SLC26A5: variants seen among roughly 807,000 people sequenced by gnomAD.
SLC26A5 encodes the protein solute carrier family 26 member 5, also known as prestin.
SLC26A5 carries 51 observed loss-of-function variants against 81.0 expected under a neutral mutation model. That is an observed-to-expected ratio of 0.63 (90% confidence interval 0.50 to 0.80). The LOEUF (loss-of-function observed/expected upper bound fraction) is 0.80, where lower values mean the gene tolerates loss of function less well. SLC26A5 is among the 30% of genes least tolerant of loss of function. The probability of loss-of-function intolerance (pLI) is 0.00; values close to 1 mark genes in which losing one functional copy is unlikely to be tolerated. For synonymous variants in SLC26A5, 325 were observed against 332.8 expected, an observed-to-expected ratio of 0.98 and a Z score of 0.25; for missense variants, 771 against 905.8, an observed-to-expected ratio of 0.85 and a Z score of 1.91.
At chr7:103,426,201 G>A (rs1160211105) in intron 2 of SLC26A5, among the ~76,000 whole-genome samples, 1 of 152,148 alleles carries the variant, frequency 6.6e-6, no homozygotes, top group African/African-American at 2.4e-5. Flanking sequence ...GCGGAGGTGG[G>A]CAGTGCAACA....
intron 19 of SLC26A5, chr7:103,362,422 A>C: frequency 7.4e-7 from 1 of 1,352,854 alleles, no homozygotes; most frequent in East Asian, 3.1e-5. Context: ...TCTATAGAAT[A>C]CATAACAACT....
In SLC26A5 at chr7:103,421,363, G is replaced by T. The variant is rs137865848; in HGVS notation, c.152C>A (p.Thr51Lys). 2 of 1,613,982 alleles carry T rather than the reference G, an allele frequency of 1.2e-6. No homozygotes were observed. Among genetic ancestry groups the T allele is most frequent in the South Asian group, 2.2e-5 (2 of 91,070 alleles). The change falls in exon 3 of 20, where the codon ACA becomes AAA. Residue 51 changes from threonine (T) to lysine (K), a missense_variant and splice_region_variant. Physicochemically the swap from Thr to Lys is moderately conservative, Grantham distance 78 (BLOSUM62 -1). Transcript: ENST00000306312. ...AGAAACAGGTTAAAAGGCAACGTAC[G>T]TGAATGCCTGTTTCAGCTTATCCGC... ...SIADKLKQAF[T>K]CTPKKIRNII...
rs1334624209 is a variant in SLC26A5 at position 103,374,590 on chromosome 7, G to T, written c.2044C>A (p.Gln682Lys). 1 of 1,613,206 alleles carries T rather than the reference G, an allele frequency of 6.2e-7. No individual in the cohort carries two copies. Among genetic ancestry groups the T allele is most frequent in the Non-Finnish European group, 8.5e-7 (1 of 1,179,864 alleles). Residue 682 changes from glutamine to lysine, a missense_variant and splice_region_variant, in exon 20 of 20, where the codon CAA (glutamine) becomes AAA (lysine). By Grantham distance (53) the Gln-to-Lys change is moderately conservative. Coordinates refer to ENST00000306312, the MANE Select transcript of SLC26A5 (RefSeq NM_198999.3). ...IYVYLAGCSA[Q>K]VVNDLTRNRF... ...TTCCGAGTGAGGTCATTCACAACTT[G>T]TGCTATTAAAAGAAGAAAAGAAAAT...
chr7:103,422,374 A>G (rs756871206), intron 2 of SLC26A5, among the ~76,000 whole-genome samples: 22 of 152,362 alleles, frequency 1.4e-4, no homozygotes, highest in Non-Finnish European at 2.4e-4. Context: ...AAAGAAATGC[A>G]CTAAATTTCT....
chr7:103,352,775 A>T, exon 20 of SLC26A5: 1 of 769,910 alleles, frequency 1.3e-6, no homozygotes, highest in Non-Finnish European at 2.4e-6. Context: ...AACAAAGTTC[A>T]GAAGTGTTAA....
At chr7:103,371,282 G>A, downstream of SLC26A5, among the ~76,000 whole-genome samples, 1 of 150,958 alleles carries the variant, frequency 6.6e-6, no homozygotes, top group East Asian at 1.9e-4. Context: ...CAACAGAAAA[G>A]TTAAATACAA....
downstream of SLC26A5, among the ~76,000 whole-genome samples, chr7:103,371,394 G>T (rs553895911): frequency 6.7e-6 from 1 of 149,600 alleles, no homozygotes; most frequent in Non-Finnish European, 1.5e-5. Context: ...GCGCGATCTC[G>T]GCTCACTGCA....
chr7:103,378,490 C>T lies in SLC26A5; in HGVS notation c.1741G>A (p.Glu581Lys). ...RRKAMRKYAK[E>K]VGNANMANAT... ...TTGGCCATATTTGCATTTCCGACTTCCTTAGCGTACTTCCGCATGGCCTTT... is the reference window on the plus strand; with the variant it reads ...TTGGCCATATTTGCATTTCCGACTTTCTTAGCGTACTTCCGCATGGCCTTT... Residue 581 changes from glutamate (E) to lysine (K), a missense_variant, in exon 17 of 20, where the codon GAA becomes AAA. Coordinates refer to ENST00000306312, the MANE Select transcript of SLC26A5 (RefSeq NM_198999.3). 6.2e-7 allele frequency: 1 copy of T among 1,614,162 alleles called. No homozygotes were observed. The highest frequency in any genetic ancestry group is 8.5e-7 in the Non-Finnish European group (1 of 1,180,010).
intron 10 of SLC26A5, 63 bp downstream of exon 10, chr7:103,392,856 C>G (rs746068689): frequency 1.2e-6 from 2 of 1,602,400 alleles, no homozygotes; most frequent in Non-Finnish European, 1.7e-6. Flanking sequence ...GGATTACAGG[C>G]GTGAGCCAGA....
chr7:103,368,223 C>T lies in SLC26A5; in HGVS notation c.2041+8585G>A, dbSNP rs567954898. The T allele has an allele frequency of 2.0e-4, 133 of 656,466 alleles. No individual in the cohort carries two copies. The East Asian group carries it at 3.7e-3, about 18-fold the overall frequency. The allele number at this position is 656,466 out of a possible 1,614,324, so 40.7% of individuals were successfully genotyped here. ...TTTCTAATGTTATTAGGCAGAAAAG[C>T]TTGTTAGAATATATTTTGACTATTT... On this transcript the variant is annotated intron_variant, in intron 19 of 19. Coordinates refer to the SLC26A5 transcript ENST00000339444.
At chr7:103,430,810 A>G (rs765286956) in intron 2 of SLC26A5, among the ~76,000 whole-genome samples, 20 of 152,356 alleles carry the variant, frequency 1.3e-4, no homozygotes, top group Non-Finnish European at 2.5e-4. Flanking sequence ...TTTTAAGTCC[A>G]TGAAAGGCAG....
At chr7:103,354,722 A>G (rs1414992416) in intron 19 of SLC26A5, 2 of 596,424 alleles carry the variant, frequency 3.4e-6, no homozygotes, top group Admixed American at 3.0e-5. Flanking sequence ...TTAGGGGGAA[A>G]TATTGGGTCA....
At chr7:103,376,708 T>A (rs1821377255) in intron 19 of SLC26A5, 100 bp downstream of exon 19, 1 of 911,542 alleles carries the variant, frequency 1.1e-6, no homozygotes, top group Admixed American at 2.2e-5. Context: ...TTCATTTTTA[T>A]AAAATAATTA....
At chr7:103,365,597 C>G (rs1229478292) in intron 19 of SLC26A5, among the ~76,000 whole-genome samples, 1 of 152,046 alleles carries the variant, frequency 6.6e-6, no homozygotes, top group Non-Finnish European at 1.5e-5. Context: ...CCATTGCACA[C>G]CAGCCTGGGC....
At chr7:103,372,892 A>AAT (rs1554577213), downstream of SLC26A5, among the ~76,000 whole-genome samples, 1 of 151,834 alleles carries the variant, frequency 6.6e-6, no homozygotes, top group African/African-American at 2.4e-5. Context: ...AAAAAAAAAA[A>AAT]AACACTAATT....
rs142990238 is a variant in SLC26A5 at position 103,443,545 on chromosome 7, T to C, written c.-182-334A>G. 7.2e-3 allele frequency among the ~76,000 whole-genome samples: 1,093 copies of C among 152,198 alleles called. 11 individuals carry two copies. Among genetic ancestry groups the C allele is most frequent in the African/African-American group, 0.025 (1,051 of 41,518 alleles). ...GGGCATCATCAGTAGTGGGAGCAAA[T>C]CCTCTTAGAGCAGTTGCCTTGAAAA... is the stretch of plus-strand genomic sequence containing the variant. On this transcript the variant is annotated intron_variant, in intron 1 of 19. Transcript: ENST00000306312.
intron 19 of SLC26A5, among the ~76,000 whole-genome samples, chr7:103,357,295 C>T (rs1820090279): frequency 6.9e-6 from 1 of 144,474 alleles, no homozygotes; most frequent in African/African-American, 2.6e-5. Context: ...CACTGCACTT[C>T]AGCCTGGGGT....
Position 103,380,522 on chromosome 7 carries a change from A to G in SLC26A5, c.1542T>C (p.Leu514=). The change falls in exon 15 of 20, where the codon CTT becomes CTC. Residue 514 remains leucine, a synonymous_variant. Coordinates refer to ENST00000306312, the MANE Select transcript of SLC26A5 (RefSeq NM_198999.3). ...TATCAATATACACATCAGTTTCAGG[A>G]AGCTTTCCAAGGACTTTGTAGCTTG... ...QSPSYKVLGK[L]PETDVYIDID... 6.2e-7 allele frequency: 1 copy of G among 1,613,828 alleles called. No individual in the cohort carries two copies. Among genetic ancestry groups the G allele is most frequent in the Non-Finnish European group, 8.5e-7 (1 of 1,179,798 alleles).
intron 4 of SLC26A5, among the ~76,000 whole-genome samples, chr7:103,413,657 T>C (rs1225471206): frequency 6.6e-6 from 1 of 152,132 alleles, no homozygotes; most frequent in African/African-American, 2.4e-5. Context: ...ATGGGCCAAG[T>C]CTCATTACCT....
Sources: allele counts gnomAD v4.1 joint callset (sites outside exome capture counted in the v4.1 genomes callset), GRCh38; gene constraint gnomAD v4.1.1; transcripts MANE v1.5; gene names NCBI Gene and HGNC (gene_info 2026-07-23, HGNC 2026-07-21).